The following XPR1 variants were observed in gnomAD, a reference collection of about 807,000 sequenced individuals.
XPR1 encodes xenotropic and polytropic retrovirus receptor 1, also known as solute carrier family 53 member 1.
XPR1 carries 28 observed loss-of-function variants against 87.5 expected under a neutral mutation model. The observed-to-expected ratio is 0.32, with a 90% CI of 0.24 to 0.44. The LOEUF (loss-of-function observed/expected upper bound fraction) is 0.44. Among genes scored for constraint, XPR1 ranks in the 20% least tolerant of loss-of-function variants. The probability of loss-of-function intolerance (pLI) is 1.00; values close to 1 mark genes in which losing one functional copy is unlikely to be tolerated. For missense variants in XPR1, 559 were observed against 862.3 expected (o/e 0.65, Z 4.41); for synonymous variants, 300 against 306.1 (o/e 0.98, Z 0.21).
intron 1 of XPR1, among the ~76,000 whole-genome samples, chr1:180,646,244 G>A (rs1655116285): frequency 6.6e-6 from 1 of 152,144 alleles, no homozygotes; most frequent in African/African-American, 2.4e-5. Flanking sequence ...CATGACAAAC[G>A]TCCTTAGCAG....
chr1:180,717,907 C>T (rs148155991), intron 2 of XPR1, among the ~76,000 whole-genome samples: 1 of 151,628 alleles, frequency 6.6e-6, no homozygotes. Flanking sequence ...TGGCAAAAAC[C>T]GCAATTACTT....
At chr1:180,722,941 G>A (rs1451803049) in intron 2 of XPR1, among the ~76,000 whole-genome samples, 6 of 152,176 alleles carry the variant, frequency 3.9e-5, no homozygotes, top group Admixed American at 3.3e-4. Context: ...TTATGTGGGT[G>A]AGTAGAGAAC....
intron 12 of XPR1, among the ~76,000 whole-genome samples, chr1:180,866,054 G>A (rs7531753): frequency 1 from 151,458 of 152,162 alleles, 75,388 homozygotes; most frequent in Middle Eastern, 1. Flanking sequence ...AAAATAAAAT[G>A]AAATAAAAAT....
intron 11 of XPR1, among the ~76,000 whole-genome samples, chr1:180,863,032 A>T (rs1205973226): frequency 6.6e-6 from 1 of 152,152 alleles, no homozygotes; most frequent in Non-Finnish European, 1.5e-5. Flanking sequence ...TATTTTCAGC[A>T]TAAAGCCAAA....
At chr1:180,824,669 A>G in intron 7 of XPR1, 84 bp from the exon 8 acceptor site, 3 of 1,203,040 alleles carry the variant, frequency 2.5e-6, no homozygotes, top group African/African-American at 1.5e-5. Context: ...CCAGGGCTAT[A>G]TCATTGAGAA....
At chr1:180,784,819 CTG>C (rs1409665950) in intron 2 of XPR1, among the ~76,000 whole-genome samples, 5 of 151,840 alleles carry the variant, frequency 3.3e-5, no homozygotes, top group South Asian at 2.1e-4. Context: ...CTTCTAGACT[CTG>C]TATTCTGTTC....
chr1:180,724,624 A>G (rs1040623143), intron 2 of XPR1, among the ~76,000 whole-genome samples: 5 of 149,600 alleles, frequency 3.3e-5, no homozygotes, highest in African/African-American at 7.7e-5. Context: ...TAAACAACAA[A>G]TTCATTTTAA....
At chr1:180,873,671 C>A in intron 12 of XPR1, 132 bp from the exon 13 acceptor site, 2 of 999,286 alleles carry the variant, frequency 2.0e-6, no homozygotes, top group South Asian at 2.0e-5. Flanking sequence ...AAATAAAGTA[C>A]AACTTTCCTC....
intron 2 of XPR1, among the ~76,000 whole-genome samples, chr1:180,759,855 A>G (rs1295615149): frequency 1.3e-5 from 2 of 152,240 alleles, no homozygotes; most frequent in Non-Finnish European, 2.9e-5. Flanking sequence ...CATTGATGCA[A>G]AAATCCTCAA....
intron 2 of XPR1, among the ~76,000 whole-genome samples, chr1:180,760,592 C>G (rs1295819962): frequency 6.6e-6 from 1 of 152,132 alleles, no homozygotes; most frequent in Non-Finnish European, 1.5e-5. Context: ...GAACTACAAA[C>G]CACTGCTCAA....
chr1:180,801,043 A>G (rs1649762770), intron 3 of XPR1, among the ~76,000 whole-genome samples: 2 of 152,222 alleles, frequency 1.3e-5, no homozygotes, highest in African/African-American at 4.8e-5. Flanking sequence ...TCAATTAACC[A>G]CAGCCAAAAT....
At chr1:180,675,729 A>C (rs1656348225) in intron 1 of XPR1, among the ~76,000 whole-genome samples, 1 of 152,134 alleles carries the variant, frequency 6.6e-6, no homozygotes, top group Admixed American at 6.5e-5. Flanking sequence ...AACTCTTTTA[A>C]TTTGTTGTTT....
intron 6 of XPR1, 102 bp from the exon 7 acceptor site, chr1:180,811,305 T>G (rs1650204002): frequency 2.1e-6 from 2 of 931,114 alleles, no homozygotes; most frequent in Non-Finnish European, 3.3e-6. Flanking sequence ...AATATTATTT[T>G]CATGGTAGAA....
intron 2 of XPR1, among the ~76,000 whole-genome samples, chr1:180,777,068 C>T (rs1444329538): frequency 1.3e-5 from 2 of 152,022 alleles, no homozygotes; most frequent in African/African-American, 4.8e-5. Context: ...ATTCAAATGC[C>T]CTTATTTTTC....
At chr1:180,687,802 A>G (rs903917940) in intron 2 of XPR1, among the ~76,000 whole-genome samples, 1 of 151,822 alleles carries the variant, frequency 6.6e-6, no homozygotes, top group Non-Finnish European at 1.5e-5. Context: ...AATAATATAG[A>G]TAAGGATTTA....
intron 9 of XPR1, among the ~76,000 whole-genome samples, chr1:180,834,574 T>C (rs926058767): frequency 6.6e-6 from 1 of 152,238 alleles, no homozygotes; most frequent in African/African-American, 2.4e-5. Flanking sequence ...GGCATCTCCC[T>C]GATCCCTTAA....
chr1:180,801,890 G>A lies in XPR1; in HGVS notation c.224-1498G>A, dbSNP rs1392697449. 4.6e-5 allele frequency among the ~76,000 whole-genome samples: 7 copies of A among 150,990 alleles called. No homozygotes were observed. In the East Asian group the frequency reaches 5.8e-4, roughly 13 times the overall value. On this transcript the variant is annotated intron_variant, in intron 3 of 14. Coordinates refer to ENST00000367590, the MANE Select transcript of XPR1 (RefSeq NM_004736.4). Reference sequence around the variant, plus strand: ...CTGCTCACTGCAACCTCTGCCTCCCGAATTCAAGCAATTCTCTTGCCTCAG... The same window carrying A: ...CTGCTCACTGCAACCTCTGCCTCCCAAATTCAAGCAATTCTCTTGCCTCAG...
intron 2 of XPR1, among the ~76,000 whole-genome samples, chr1:180,764,701 C>T (rs557028195): frequency 1.2e-3 from 189 of 152,018 alleles, no homozygotes; most frequent in African/African-American, 4.4e-3. Context: ...AACTCCTGAG[C>T]TCAAGTGATC....
intron 7 of XPR1, among the ~76,000 whole-genome samples, chr1:180,816,909 G>T (rs1650430930): frequency 6.6e-6 from 1 of 152,122 alleles, no homozygotes; most frequent in African/African-American, 2.4e-5. Context: ...GGTCCTTCGG[G>T]AGGTGTTCCA....
Sources: gnomAD v4.1 joint callset for allele counts (sites outside exome capture counted in the v4.1 genomes callset) on GRCh38, gnomAD v4.1.1 for gene constraint, MANE v1.5 for transcripts, NCBI Gene and HGNC (gene_info 2026-07-23, HGNC 2026-07-21) for gene names.